Variants in DMRT3 observed in about 807,000 individuals in gnomAD.
The protein encoded by DMRT3 is doublesex- and mab-3-related transcription factor 3.
Under a neutral mutation model 34.9 loss-of-function variants are expected in DMRT3, and 29 were observed. The observed-to-expected ratio is 0.83, with a 90% CI of 0.62 to 1.13. The LOEUF is 1.13. DMRT3 is among the 50% of genes most tolerant of loss of function. DMRT3 has a pLI of 0.00. For missense variants in DMRT3, 772 were observed against 629.1 expected, an observed-to-expected ratio of 1.23 and a Z score of -2.43; for synonymous variants, 350 against 286.0, an observed-to-expected ratio of 1.22 and a Z score of -2.26.
chr9:979,677 T>C (rs1157890771), intron 1 of DMRT3, among the ~76,000 whole-genome samples: 2 of 152,190 alleles, frequency 1.3e-5, no homozygotes, highest in Admixed American at 6.5e-5. Context: ...GATGATTGTT[T>C]AGGAAGACAG....
chr9:982,953 C>G (rs541581552), intron 1 of DMRT3, among the ~76,000 whole-genome samples: 13 of 152,102 alleles, frequency 8.5e-5, no homozygotes, highest in African/African-American at 3.1e-4. Context: ...GGCTTGTGCA[C>G]GGGTGCTCAT....
chr9:990,667 C>T lies in DMRT3; in HGVS notation c.1081C>T (p.Pro361Ser), dbSNP rs543998152. 6.2e-6 allele frequency: 10 copies of T among 1,614,132 alleles called. No individual in the cohort carries two copies. In the East Asian group the frequency reaches 2.0e-4, roughly 32 times the overall value. Residue 361 changes from proline to serine, a missense_variant, in exon 2 of 2, where the codon CCT becomes TCT. Physicochemically the swap from Pro to Ser is moderately conservative, Grantham distance 74. Transcript: ENST00000190165. ...PSPLAGPLQP[P>S]FPQPPRYPLM... is the part of the protein sequence containing the mutation. ...TCCCTTGGCTGGGCCTCTGCAGCCCCCTTTCCCCCAGCCACCCCGGTACCC... is the reference window on the plus strand; with the variant it reads ...TCCCTTGGCTGGGCCTCTGCAGCCCTCTTTCCCCCAGCCACCCCGGTACCC...
intron 1 of DMRT3, among the ~76,000 whole-genome samples, chr9:982,113 A>G (rs1797721510): frequency 6.6e-6 from 1 of 152,204 alleles, no homozygotes; most frequent in Admixed American, 6.5e-5. Flanking sequence ...ACTTAACTGG[A>G]CATCCTGTTA....
intron 1 of DMRT3, among the ~76,000 whole-genome samples, chr9:987,707 C>T (rs758882574): frequency 2.0e-5 from 3 of 151,962 alleles, no homozygotes; most frequent in Non-Finnish European, 4.4e-5. Context: ...TTCTGTTTCT[C>T]CCAGTATCGT....
Position 976,921 on chromosome 9 carries a change from G to C in DMRT3, c.-81G>C. 1 of 1,354,500 alleles carries C rather than the reference G, an allele frequency of 7.4e-7. No individual in the cohort carries two copies. The highest frequency in any genetic ancestry group is 9.5e-7 in the Non-Finnish European group (1 of 1,048,758). The allele number at this position is 1,354,500 out of a possible 1,614,324, so 83.9% of individuals were successfully genotyped here. A position where few individuals can be genotyped will look rare whatever the true frequency, so the allele number is the denominator to read the frequency against. ...CGCGTCGCCCGGAGGCCGCCCCTGA[G>C]CGGGCCTCGCAGCCCCGCCGTCCAG... On this transcript the variant is annotated 5_prime_UTR_variant, in exon 1 of 2. Transcript: ENST00000190165. This position sits in a 1 kb window ranked among gnomAD's most constrained non-coding sequence, Gnocchi z 4.5.
At chr9:978,851 C>T (rs1820182916) in intron 1 of DMRT3, among the ~76,000 whole-genome samples, 1 of 152,128 alleles carries the variant, frequency 6.6e-6, no homozygotes, top group Non-Finnish European at 1.5e-5. Context: ...GAAATGATCG[C>T]CAGTTGTCTC....
At chr9:987,412 C>CTGTGTGTGTGTGTG (rs6150885) in intron 1 of DMRT3, among the ~76,000 whole-genome samples, 22 of 149,516 alleles carry the variant, frequency 1.5e-4, no homozygotes, top group Non-Finnish European at 2.8e-4. Flanking sequence ...TAATATCCCA[C>CTGTGTGTGTGTGTG]TGTGTGTGTG....
rs781642811 is a variant in DMRT3, at chr9:990,216, C to T, written c.630C>T (p.Asn210=). 2.0e-5 allele frequency: 33 copies of T among 1,613,882 alleles called. No homozygotes were observed. The highest frequency in any genetic ancestry group is 4.4e-5 in the South Asian group (4 of 91,066). The part of the protein sequence containing the change: ...VEEGGYAVQK[N]GGNPESRPDS... The stretch of plus-strand genomic sequence containing the variant: ...AAGGGGGATACGCTGTCCAGAAAAA[C>T]GGAGGCAACCCCGAGAGCCGCCCTG... The change falls in exon 2 of 2, where the codon AAC becomes AAT. Residue 210 remains asparagine, a synonymous_variant. Transcript: ENST00000190165.
chr9:990,442 C>T lies in DMRT3; in HGVS notation c.856C>T (p.Leu286=), dbSNP rs765539919. Reference sequence around the variant, plus strand: ...CCTGGTGAGCGCCGTGGAAGTCCTTCTGTCCAGCCGATCCTCAGTCACGGG... The same window carrying T: ...CCTGGTGAGCGCCGTGGAAGTCCTTTTGTCCAGCCGATCCTCAGTCACGGG... ...GDLVSAVEVL[L]SSRSSVTGAE... is the part of the protein sequence containing the mutation. The change falls in exon 2 of 2, where the codon CTG becomes TTG. Residue 286 remains leucine, a synonymous_variant. Coordinates refer to ENST00000190165, the MANE Select transcript of DMRT3 (RefSeq NM_021240.4). The T allele has an allele frequency of 6.2e-7, 1 of 1,614,188 alleles. No individual in the cohort carries two copies. Among genetic ancestry groups the T allele is most frequent in the South Asian group, 1.1e-5 (1 of 91,082 alleles).
rs574704978 is a variant in DMRT3 at position 989,103 on chromosome 9, T to C, written c.455-938T>C. ...TGGGAAGCCTTTTTTTCCCTCCTTC[T>C]TCTTTTCATATAATATAAAAAGGTA... is the stretch of plus-strand genomic sequence containing the variant. On this transcript the variant is annotated intron_variant, in intron 1 of 1. Transcript: ENST00000190165. 1.1e-4 allele frequency among the ~76,000 whole-genome samples: 16 copies of C among 152,322 alleles called. No individual in the cohort carries two copies. The South Asian group carries it at 3.3e-3, about 32-fold the overall frequency.
At chr9:989,802 A>T in intron 1 of DMRT3, 1 of 448,262 alleles carries the variant, frequency 2.2e-6, no homozygotes, top group Admixed American at 4.0e-5. Flanking sequence ...GTTGAAGGCA[A>T]GCTTCCTTGC....
rs185827435 is a variant in DMRT3 at position 991,177 on chromosome 9, C to G, written c.*172C>G. 2.3e-6 allele frequency: 2 copies of G among 866,758 alleles called. No homozygotes were observed. The highest frequency in any genetic ancestry group is 5.8e-5 in the Admixed American group (2 of 34,764). 53.7% of individuals were successfully genotyped at this position (866,758 alleles called of 1,614,324 possible). ...ATAACTTATTTAACTTCTTGCACTT[C>G]ACTGGAAAATGCCAAATAGCTCTGT... On this transcript the variant is annotated 3_prime_UTR_variant, in exon 2 of 2. Coordinates refer to ENST00000190165, the MANE Select transcript of DMRT3 (RefSeq NM_021240.4).
At chr9:977,703 G>A (rs1363023324) in intron 1 of DMRT3, among the ~76,000 whole-genome samples, 2 of 152,226 alleles carry the variant, frequency 1.3e-5, no homozygotes, top group African/African-American at 2.4e-5. Flanking sequence ...GGGACTGTGC[G>A]TCAGTATCGC....
At chr9:981,526 C>T (rs752371042) in intron 1 of DMRT3, among the ~76,000 whole-genome samples, 11 of 152,316 alleles carry the variant, frequency 7.2e-5, no homozygotes, top group South Asian at 4.2e-4. Flanking sequence ...AAAAGGAATA[C>T]GCATACAGGC....
At chr9:985,545 C>A (rs1343381638) in intron 1 of DMRT3, among the ~76,000 whole-genome samples, 2 of 152,222 alleles carry the variant, frequency 1.3e-5, no homozygotes, top group Non-Finnish European at 2.9e-5. Flanking sequence ...CACTTTATCA[C>A]TGGGCTCAAA....
In DMRT3 at chr9:990,087, A is replaced by C. The variant is rs1193612665; in HGVS notation, c.501A>C (p.Thr167=). Reference sequence around the variant, plus strand: ...GAGACGGCAAGTCGGCAGACAATACAGAGGTCTTCAGTGACAAAGACACTG... The same window carrying C: ...GAGACGGCAAGTCGGCAGACAATACCGAGGTCTTCAGTGACAAAGACACTG... ...RLGDGKSADN[T]EVFSDKDTDQ... Residue 167 remains threonine (T), a synonymous_variant, in exon 2 of 2, where the codon ACA becomes ACC. Transcript: ENST00000190165. 1.2e-6 allele frequency: 2 copies of C among 1,614,106 alleles called. No homozygotes were observed. Among genetic ancestry groups the C allele is most frequent in the Non-Finnish European group, 1.7e-6 (2 of 1,180,038 alleles).
Position 990,178 on chromosome 9 carries a change from G to C in DMRT3, c.592G>C (p.Val198Leu). 2 of 1,614,054 alleles carry C rather than the reference G, an allele frequency of 1.2e-6. No individual in the cohort carries two copies. The highest frequency in any genetic ancestry group is 2.2e-5 in the East Asian group (1 of 44,854). ...CTTCACCCCTGAGAGCCCTGAGATA[G>C]TGTCCGTGGAGGAAGGGGGATACGC... ...GCFTPESPEIVSVEEGGYAVQ... is the reference protein window; with the variant it reads ...GCFTPESPEILSVEEGGYAVQ... Residue 198 changes from valine to leucine, a missense_variant, in exon 2 of 2, where the codon GTG becomes CTG. Coordinates refer to ENST00000190165, the MANE Select transcript of DMRT3 (RefSeq NM_021240.4).
Position 989,306 on chromosome 9 carries a change from C to T in DMRT3, c.455-735C>T, listed in dbSNP as rs1366229917. ...TGCAATTTAACAAACCCTTTCTAGC[C>T]ACTTCCTTTTTTCCTCTCCAGCAAC... On this transcript the variant is annotated intron_variant, in intron 1 of 1. Coordinates refer to ENST00000190165, the MANE Select transcript of DMRT3 (RefSeq NM_021240.4). 5.9e-5 allele frequency among the ~76,000 whole-genome samples: 9 copies of T among 152,312 alleles called. No individual in the cohort carries two copies. The East Asian group carries it at 1.7e-3, about 29-fold the overall frequency.
chr9:979,045 T>C (rs894760880), intron 1 of DMRT3, among the ~76,000 whole-genome samples: 1 of 152,224 alleles, frequency 6.6e-6, no homozygotes, highest in Admixed American at 6.5e-5. Context: ...TTCCAGCTTC[T>C]CTGGTTCCGT....
Sources: gnomAD v4.1 joint callset for allele counts (sites outside exome capture counted in the v4.1 genomes callset) on GRCh38, gnomAD v4.1.1 for gene constraint, Gnocchi (gnomAD v3.1) non-coding constraint, MANE v1.5 for transcripts, NCBI Gene and HGNC (gene_info 2026-07-23, HGNC 2026-07-21) for gene names.